The following DHX57 variants were observed in gnomAD, a reference collection of about 807,000 sequenced individuals.
The protein encoded by DHX57 is putative ATP-dependent RNA helicase DHX57.
DHX57 carries 105 observed loss-of-function variants against 156.2 expected under a neutral mutation model. The ratio of observed to expected loss-of-function variants is 0.67; its 90% CI spans 0.57 to 0.79. The LOEUF (loss-of-function observed/expected upper bound fraction) is 0.79, where lower values mean the gene tolerates loss of function less well. DHX57 is among the 30% of genes least tolerant of loss of function. The pLI is 0.00. For missense variants in DHX57, 1,847 were observed against 1,661.9 expected (o/e 1.11, Z -1.94); for synonymous variants, 704 against 595.6 (o/e 1.18, Z -2.65).
At position 38,860,990 on chromosome 2, in the gene DHX57, C is replaced by T; in HGVS notation, c.1411+9G>A. ...ATGCCTCCCTCCACAAGATCAATGC[C>T]TTACATACCTTCTGGAATTTGATTA... On this transcript the variant is annotated intron_variant, in intron 5 of 23. Coordinates refer to ENST00000457308, the MANE Select transcript of DHX57 (RefSeq NM_198963.3). 1 of 1,608,232 alleles carries T rather than the reference C, an allele frequency of 6.2e-7. No homozygotes were observed.
rs1670507525 is a variant in DHX57, at chr2:38,815,661, A to G, written c.3472-6T>C. 1.9e-6 allele frequency: 3 copies of G among 1,614,136 alleles called. No individual in the cohort carries two copies. Among genetic ancestry groups the G allele is most frequent in the Non-Finnish European group, 2.5e-6 (3 of 1,180,018 alleles). ...CGTTTGAGGCTGGCCATTTCCTGAAAGAAGTGGAAAAACCTTTAAGCAAGG... is the reference window on the plus strand; with the variant it reads ...CGTTTGAGGCTGGCCATTTCCTGAAGGAAGTGGAAAAACCTTTAAGCAAGG... On this transcript the variant is annotated splice_region_variant and splice_polypyrimidine_tract_variant and intron_variant, in intron 19 of 23. Coordinates refer to ENST00000457308, the MANE Select transcript of DHX57 (RefSeq NM_198963.3).
intron 7 of DHX57, among the ~76,000 whole-genome samples, chr2:38,855,520 A>C (rs1201603602): frequency 6.6e-6 from 1 of 152,202 alleles, no homozygotes; most frequent in Middle Eastern, 3.2e-3. Context: ...AAGGTCTGTA[A>C]ATGCTTCTAG....
intron 13 of DHX57, among the ~76,000 whole-genome samples, chr2:38,832,001 G>A (rs542601489): frequency 2.0e-5 from 3 of 152,166 alleles, no homozygotes; most frequent in South Asian, 4.2e-4. Context: ...CAGCCTGGGC[G>A]ACAGAGCAAG....
At chr2:38,820,738 G>A (rs1475188153) in intron 17 of DHX57, among the ~76,000 whole-genome samples, 1 of 151,938 alleles carries the variant, frequency 6.6e-6, no homozygotes, top group Non-Finnish European at 1.5e-5. Flanking sequence ...TTTATAATTC[G>A]ATGACATATA....
chr2:38,815,423 A>C (rs1264853534), intron 20 of DHX57, 98 bp downstream of exon 20: 2 of 1,494,198 alleles, frequency 1.3e-6, no homozygotes, highest in Non-Finnish European at 1.8e-6. Flanking sequence ...CACTGCTCAA[A>C]GGCTTAAGTG....
intron 11 of DHX57, among the ~76,000 whole-genome samples, chr2:38,845,813 T>A (rs1406844464): frequency 6.6e-6 from 1 of 152,150 alleles, no homozygotes; most frequent in East Asian, 1.9e-4. Flanking sequence ...ACACTCAGGC[T>A]ATACTGCAAA....
At chr2:38,856,599 G>GCTCTAGCGATCCTCCCGC in intron 6 of DHX57, 138 bp from the exon 7 acceptor site, 1 of 1,123,726 alleles carries the variant, frequency 8.9e-7, no homozygotes, top group Admixed American at 3.1e-5. Flanking sequence ...CACTTCCCAG[G>GCTCTAGCGATCCTCCCGC]CTCTAGCGAT....
At chr2:38,855,317 T>C (rs548803825) in intron 7 of DHX57, 65 bp from the exon 8 acceptor site, 174 of 1,492,488 alleles carry the variant, frequency 1.2e-4, no homozygotes, top group Middle Eastern at 3.5e-4. Flanking sequence ...AAAGAAGCAA[T>C]CATATGGAAT....
At chr2:38,871,682 T>A (rs1665359872) in intron 1 of DHX57, among the ~76,000 whole-genome samples, 1 of 151,364 alleles carries the variant, frequency 6.6e-6, no homozygotes, top group Non-Finnish European at 1.5e-5. Context: ...AGGTACCAGC[T>A]GCCAGACTTA....
intron 1 of DHX57, 101 bp downstream of exon 1, chr2:38,875,686 C>T (rs1248242257): frequency 1.0e-5 from 2 of 199,888 alleles, no homozygotes; most frequent in Non-Finnish European, 2.0e-5. Flanking sequence ...CAGATCCCGA[C>T]CACTCCTGGA....
intron 5 of DHX57, among the ~76,000 whole-genome samples, 180 bp downstream of exon 5, chr2:38,860,818 TA>T (rs1673152603): frequency 6.6e-6 from 1 of 152,200 alleles, no homozygotes; most frequent in Non-Finnish European, 1.5e-5. Context: ...AATTGAGCCT[TA>T]CAATTAAAGT....
chr2:38,845,617 T>G (rs541158627), intron 11 of DHX57, among the ~76,000 whole-genome samples: 2 of 152,208 alleles, frequency 1.3e-5, no homozygotes, highest in South Asian at 2.1e-4. Flanking sequence ...TGAAATCACA[T>G]GAGTCTAAGG....
intron 17 of DHX57, among the ~76,000 whole-genome samples, chr2:38,822,733 C>G (rs976254194): frequency 6.6e-6 from 1 of 152,122 alleles, no homozygotes; most frequent in Admixed American, 6.6e-5. Context: ...AGTTCTCAGT[C>G]TTTAATTGGA....
rs201336111 is a variant in DHX57 at position 38,798,353 on chromosome 2, A to G, written c.4107T>C (p.Cys1369=). ...IKNPSIDLCT[C]PRGSRIISTI... ...TGCTGATGATCCGGGATCCTCGAGG[A>G]CACGTACACAGATCAATGCTTGGGT... The change falls in exon 24 of 24, where the codon TGT becomes TGC. Residue 1369 remains cysteine, a synonymous_variant. Transcript: ENST00000457308. The G allele has an allele frequency of 6.2e-7, 1 of 1,613,692 alleles. No individual in the cohort carries two copies. Among genetic ancestry groups the G allele is most frequent in the African/African-American group, 1.3e-5 (1 of 75,040 alleles).
chr2:38,832,235 T>A (rs1009498388), intron 13 of DHX57, among the ~76,000 whole-genome samples: 1 of 151,998 alleles, frequency 6.6e-6, no homozygotes, highest in African/African-American at 2.4e-5. Context: ...GAGTCAGGAA[T>A]TCAATACCAG....
intron 17 of DHX57, among the ~76,000 whole-genome samples, chr2:38,822,694 C>T (rs1670886294): frequency 6.6e-6 from 1 of 152,196 alleles, no homozygotes; most frequent in Non-Finnish European, 1.5e-5. Context: ...CGCGCTTGGC[C>T]TGGATTACTT....
rs752400492 is a variant in DHX57, at chr2:38,861,453, G to A, written c.957C>T (p.Cys319=). The change falls in exon 5 of 24, where the codon TGC becomes TGT. Residue 319 remains cysteine, a synonymous_variant. Transcript: ENST00000457308. The part of the protein sequence containing the change: ...LKGNCKFGSK[C]RFKHEVPPNQ... Reference sequence around the variant, plus strand: ...TTGGGGGCACTTCATGTTTGAATCTGCATTTTGATCCAAATTTACAATTTC... The same window carrying A: ...TTGGGGGCACTTCATGTTTGAATCTACATTTTGATCCAAATTTACAATTTC... The A allele has an allele frequency of 3.6e-5, 58 of 1,613,962 alleles. No individual in the cohort carries two copies. Among genetic ancestry groups the A allele is most frequent in the South Asian group, 2.7e-4 (25 of 91,074 alleles).
Position 38,818,973 on chromosome 2 carries a change from GA to G in DHX57, c.3388-14del, listed in dbSNP as rs754666091. The G allele has an allele frequency of 1.3e-5, 21 of 1,614,118 alleles. No individual in the cohort carries two copies. The South Asian group carries it at 2.0e-4, about 15-fold the overall frequency. On this transcript the variant is annotated splice_polypyrimidine_tract_variant and intron_variant, in intron 18 of 23. Transcript: ENST00000457308. ...TTAGCTGCCATCCCTAAATTTTGGAGAAAATCAAACTGAACTTACTCAGTCT... is the reference window on the plus strand; with the variant it reads ...TTAGCTGCCATCCCTAAATTTTGGAGAAATCAAACTGAACTTACTCAGTCT...
At chr2:38,838,395 A>G (rs1448715373) in intron 12 of DHX57, among the ~76,000 whole-genome samples, 1 of 152,090 alleles carries the variant, frequency 6.6e-6, no homozygotes, top group East Asian at 1.9e-4. Flanking sequence ...CAACCAGCCC[A>G]CTTTTTTCTT....
Sources: allele counts gnomAD v4.1 joint callset (sites outside exome capture counted in the v4.1 genomes callset), GRCh38; gene constraint gnomAD v4.1.1; transcripts MANE v1.5; gene names NCBI Gene and HGNC (gene_info 2026-07-23, HGNC 2026-07-21).